FSTL5: variants seen among roughly 807,000 people sequenced by gnomAD.
The protein encoded by FSTL5 is follistatin-related protein 5.
A neutral mutation model predicts 89.1 loss-of-function variants in FSTL5; 62 were observed. The ratio of observed to expected loss-of-function variants is 0.70; its 90% CI spans 0.57 to 0.86. FSTL5 has a LOEUF of 0.86. Among genes scored for constraint, FSTL5 ranks in the 40% least tolerant of loss-of-function variants. FSTL5 has a pLI of 0.00. For synonymous variants in FSTL5, 383 were observed against 346.2 expected (o/e 1.11, Z -1.18); for missense variants, 1,057 against 1,001.6 (o/e 1.06, Z -0.75).
intron 1 of FSTL5, among the ~76,000 whole-genome samples, chr4:162,119,565 G>A (rs145453690): frequency 7.9e-5 from 12 of 152,264 alleles, no homozygotes; most frequent in African/African-American, 2.9e-4. Context: ...ACCCATTTAT[G>A]GGGTACATTT....
intron 13 of FSTL5, among the ~76,000 whole-genome samples, chr4:161,466,136 A>T (rs1012949176): frequency 7.2e-5 from 11 of 152,220 alleles, no homozygotes; most frequent in African/African-American, 2.4e-4. Flanking sequence ...ACACATATTG[A>T]TAAAAGCAAT....
intron 7 of FSTL5, among the ~76,000 whole-genome samples, chr4:161,605,341 A>C (rs12642695): frequency 0.17 from 26,266 of 152,164 alleles, 2,372 homozygotes; most frequent in Middle Eastern, 0.32. Flanking sequence ...ACATTTATTT[A>C]TTTATACTGT....
chr4:161,549,647 G>A (rs1732132911), intron 8 of FSTL5, among the ~76,000 whole-genome samples: 1 of 151,886 alleles, frequency 6.6e-6, no homozygotes, highest in South Asian at 2.1e-4. Context: ...GAGGACTCCA[G>A]TTCTCTGTCA....
At chr4:162,158,115 C>A (rs1026878075) in intron 1 of FSTL5, among the ~76,000 whole-genome samples, 1 of 151,996 alleles carries the variant, frequency 6.6e-6, no homozygotes, top group African/African-American at 2.4e-5. Context: ...TGAAGGATTA[C>A]GTATGAGTAG....
rs1730644954 is a variant in FSTL5, at chr4:161,386,375, G to A, written c.1916C>T (p.Thr639Ile). The change falls in exon 16 of 16, where the codon ACA becomes ATA. Residue 639 changes from threonine to isoleucine, a missense_variant. Coordinates refer to ENST00000306100, the MANE Select transcript of FSTL5 (RefSeq NM_020116.5). ...IDLETMSYIK[T>I]INLKDYKCVP... is the part of the protein sequence containing the mutation. ...GCACTTATAGTCCTTCAAGTTAATT[G>A]TCTTGATGTATGACATGGTTTCAAG... The A allele has an allele frequency of 1.9e-6, 3 of 1,613,722 alleles. No individual in the cohort carries two copies. Among genetic ancestry groups the A allele is most frequent in the Non-Finnish European group, 2.5e-6 (3 of 1,179,822 alleles).
intron 6 of FSTL5, among the ~76,000 whole-genome samples, chr4:161,704,492 T>C (rs1238166936): frequency 1.3e-5 from 2 of 152,134 alleles, no homozygotes; most frequent in Non-Finnish European, 2.9e-5. Context: ...AAACACACTA[T>C]GAGAACGTTA....
At chr4:161,658,062 C>A (rs1191377108) in intron 6 of FSTL5, among the ~76,000 whole-genome samples, 1 of 152,140 alleles carries the variant, frequency 6.6e-6, no homozygotes, top group East Asian at 1.9e-4. Context: ...GAGACAGTAA[C>A]CAGTTAGAAA....
chr4:161,820,932 G>T (rs187452788), intron 4 of FSTL5, among the ~76,000 whole-genome samples: 5 of 104,016 alleles, frequency 4.8e-5, no homozygotes, highest in Non-Finnish European at 8.2e-5. Flanking sequence ...AGATTTCAAA[G>T]ATTGGTTGTC....
chr4:161,547,817 C>A (rs2126552135), intron 8 of FSTL5, among the ~76,000 whole-genome samples: 1 of 151,880 alleles, frequency 6.6e-6, no homozygotes, highest in East Asian at 1.9e-4. Flanking sequence ...ACAAAAGATT[C>A]TTTAGATGAA....
At chr4:161,447,947 T>C (rs78785384) in intron 15 of FSTL5, among the ~76,000 whole-genome samples, 10,061 of 152,186 alleles carry the variant, frequency 0.066, 480 homozygotes, top group South Asian at 0.12. Context: ...GCTCTGGGAA[T>C]CTAACGATCC....
In FSTL5 at chr4:161,384,173, C is replaced by G. The variant is rs1578931836; in HGVS notation, c.*1574G>C. On this transcript the variant is annotated 3_prime_UTR_variant, in exon 16 of 16. Coordinates refer to ENST00000306100, the MANE Select transcript of FSTL5 (RefSeq NM_020116.5). ...CTACTGTATCACACAGCTCAGGATG[C>G]TATATACACATAAGATATTACACAC... is the stretch of plus-strand genomic sequence containing the variant. 1 of 152,084 alleles carries G rather than the reference C, an allele frequency of 6.6e-6. No homozygotes were observed. The highest frequency in any genetic ancestry group is 1.5e-5 in the Non-Finnish European group (1 of 67,984). The allele number at this position is 152,084 out of a possible 1,614,324, so 9.4% of individuals were successfully genotyped here. A position where few individuals can be genotyped will look rare whatever the true frequency, so the allele number is the denominator to read the frequency against.
intron 4 of FSTL5, among the ~76,000 whole-genome samples, chr4:161,780,228 G>T (rs1333274142): frequency 1.3e-5 from 2 of 150,754 alleles, no homozygotes; most frequent in Non-Finnish European, 3.0e-5. Context: ...AATAATAATT[G>T]ATAGGAAAGA....
intron 6 of FSTL5, among the ~76,000 whole-genome samples, chr4:161,724,564 T>C (rs1340676934): frequency 6.6e-6 from 1 of 152,224 alleles, no homozygotes; most frequent in East Asian, 1.9e-4. Flanking sequence ...ATGTACATAC[T>C]TTGCCTGTGA....
intron 4 of FSTL5, among the ~76,000 whole-genome samples, chr4:161,836,504 T>C (rs952869936): frequency 6.6e-6 from 1 of 151,744 alleles, no homozygotes. Context: ...TAAGAAATGT[T>C]CCTGCACAAG....
intron 2 of FSTL5, among the ~76,000 whole-genome samples, chr4:162,077,787 T>G (rs1189679518): frequency 6.6e-6 from 1 of 151,890 alleles, no homozygotes. Flanking sequence ...TTGCTTGATT[T>G]ATTAACCAAA....
intron 15 of FSTL5, among the ~76,000 whole-genome samples, chr4:161,400,404 A>G (rs1731144959): frequency 6.6e-6 from 1 of 152,120 alleles, no homozygotes; most frequent in African/African-American, 2.4e-5. Flanking sequence ...AATCTTAAAT[A>G]TACATTTCTA....
At position 161,767,061 on chromosome 4, in the gene FSTL5, A is replaced by G. The variant is rs543285801; in HGVS notation, c.607-7530T>C. Among the ~76,000 whole-genome samples the G allele has an allele frequency of 2.0e-5, 3 of 152,144 alleles. No individual in the cohort carries two copies. In the South Asian group the frequency reaches 6.2e-4, roughly 32 times the overall value. On this transcript the variant is annotated intron_variant, in intron 5 of 15. Transcript: ENST00000306100. ...TATTTCTGTCTACCCATAGTCTTTC[A>G]ATATTCCCAGTGACTTAAATAACAA...
chr4:161,753,876 A>C (rs1740482153), intron 6 of FSTL5, among the ~76,000 whole-genome samples: 1 of 151,710 alleles, frequency 6.6e-6, no homozygotes, highest in Admixed American at 6.6e-5. Context: ...CCCCCTCTCT[A>C]CTAAAAATGC....
chr4:161,610,528 C>A (rs1734596878), intron 7 of FSTL5, among the ~76,000 whole-genome samples: 1 of 152,076 alleles, frequency 6.6e-6, no homozygotes, highest in African/African-American at 2.4e-5. Context: ...GATTGCATGA[C>A]CAAGGACAAT....
Sources: gnomAD v4.1 joint callset for allele counts (sites outside exome capture counted in the v4.1 genomes callset) on GRCh38, gnomAD v4.1.1 for gene constraint, MANE v1.5 for transcripts, NCBI Gene and HGNC (gene_info 2026-07-23, HGNC 2026-07-21) for gene names.